PLCH1: variants seen among roughly 807,000 people sequenced by gnomAD.
PLCH1 encodes the protein 1-phosphatidylinositol 4,5-bisphosphate phosphodiesterase eta-1.
PLCH1 carries 60 observed loss-of-function variants against 126.7 expected under a neutral mutation model. The ratio of observed to expected loss-of-function variants is 0.47; its 90% CI spans 0.38 to 0.59. The LOEUF (loss-of-function observed/expected upper bound fraction) is 0.59. Ranked by LOEUF, PLCH1 falls within the 20% of genes least tolerant of loss-of-function variation. The pLI is 0.00. For missense variants in PLCH1, 1,723 were observed against 2,040.0 expected (o/e 0.84, Z 2.99); for synonymous variants, 719 against 734.9 (o/e 0.98, Z 0.35).
chr3:155,600,691 T>A (rs1268993076), intron 2 of PLCH1, among the ~76,000 whole-genome samples: 1 of 152,344 alleles, frequency 6.6e-6, no homozygotes, highest in African/African-American at 2.4e-5. Flanking sequence ...GTATCTGTTA[T>A]GCTCTAGACC....
At chr3:155,682,969 C>G (rs1476114766) in intron 2 of PLCH1, among the ~76,000 whole-genome samples, 1 of 152,192 alleles carries the variant, frequency 6.6e-6, no homozygotes, top group Non-Finnish European at 1.5e-5. Context: ...TTATTCATCA[C>G]TGGAGAGATA....
At chr3:155,513,995 A>C (rs1719963888) in intron 12 of PLCH1, among the ~76,000 whole-genome samples, 2 of 152,166 alleles carry the variant, frequency 1.3e-5, no homozygotes, top group Non-Finnish European at 2.9e-5. Context: ...TCATGGGGCT[A>C]TTGGCAGTTA....
chr3:155,625,695 G>C (rs967367392), intron 2 of PLCH1, among the ~76,000 whole-genome samples: 1 of 152,214 alleles, frequency 6.6e-6, no homozygotes, highest in African/African-American at 2.4e-5. Context: ...ATGCCAGTTA[G>C]AATGGCGATC....
At chr3:155,625,569 T>C (rs1302849794) in intron 2 of PLCH1, among the ~76,000 whole-genome samples, 3 of 151,978 alleles carry the variant, frequency 2.0e-5, no homozygotes, top group African/African-American at 7.3e-5. Context: ...GGGCAAAGGA[T>C]ATTAACAGAC....
At position 155,565,001 on chromosome 3, in the gene PLCH1, G is replaced by A; in HGVS notation, c.983C>T (p.Thr328Ile). The A allele has an allele frequency of 6.2e-7, 1 of 1,613,514 alleles. No individual in the cohort carries two copies. The highest frequency in any genetic ancestry group is 8.5e-7 in the Non-Finnish European group (1 of 1,179,444). The change falls in exon 8 of 23, where the codon ACA becomes ATA. Residue 328 changes from threonine (T) to isoleucine (I), a missense_variant. This residue lies in a region of PLCH1 where 776 missense variants were observed against 1,062.9 expected (regional missense o/e 0.73). Coordinates refer to ENST00000460012, the MANE Select transcript of PLCH1 (RefSeq NM_014996.4). ...AAGGAGCTGGTCTCCAGTCAGGTAT[G>A]TATTGTGAGAGGAAGCAATGTAGTA... ...CNYYIASSHN[T>I]YLTGDQLLSQ... is the part of the protein sequence containing the mutation.
At chr3:155,681,290 A>G (rs1357975649) in intron 2 of PLCH1, among the ~76,000 whole-genome samples, 2 of 152,234 alleles carry the variant, frequency 1.3e-5, no homozygotes, top group South Asian at 4.1e-4. Flanking sequence ...TTTGAGGCTT[A>G]CTAACATTTA....
intron 2 of PLCH1, among the ~76,000 whole-genome samples, chr3:155,643,551 G>A (rs967097282): frequency 3.3e-5 from 5 of 152,182 alleles, no homozygotes; most frequent in African/African-American, 9.7e-5. Context: ...AAAATTGTCT[G>A]TGTGTCTGCT....
intron 2 of PLCH1, among the ~76,000 whole-genome samples, chr3:155,611,354 C>T (rs934332796): frequency 6.6e-6 from 1 of 151,978 alleles, no homozygotes; most frequent in South Asian, 2.1e-4. Flanking sequence ...CAGGCCACTG[C>T]GCTCCAGCCT....
chr3:155,612,568 C>A (rs1212155763), intron 2 of PLCH1, among the ~76,000 whole-genome samples: 1 of 151,828 alleles, frequency 6.6e-6, no homozygotes, highest in African/African-American at 2.4e-5. Context: ...AAAGCTGGTT[C>A]TTTGAAATGA....
chr3:155,593,810 G>T, intron 4 of PLCH1, 131 bp downstream of exon 4: 1 of 813,302 alleles, frequency 1.2e-6, no homozygotes, highest in Non-Finnish European at 1.9e-6. Flanking sequence ...AGAAGACGGT[G>T]TGAGGGGTAA....
intron 2 of PLCH1, among the ~76,000 whole-genome samples, chr3:155,618,006 T>C (rs1027070692): frequency 3.3e-5 from 5 of 152,196 alleles, no homozygotes; most frequent in Non-Finnish European, 4.4e-5. Flanking sequence ...AGACTCCTTA[T>C]GGAAAAAGTT....
At chr3:155,617,691 CT>C (rs1246021190) in intron 2 of PLCH1, among the ~76,000 whole-genome samples, 4 of 152,138 alleles carry the variant, frequency 2.6e-5, no homozygotes, top group African/African-American at 9.7e-5. Context: ...ACGCTGGTTA[CT>C]TTACCAAGGC....
intron 2 of PLCH1, among the ~76,000 whole-genome samples, chr3:155,638,940 C>A (rs570119089): frequency 6.6e-6 from 1 of 152,104 alleles, no homozygotes; most frequent in South Asian, 2.1e-4. Flanking sequence ...TAACCCTGGA[C>A]AAGCAAGCAA....
chr3:155,551,081 C>G (rs937562890), intron 9 of PLCH1, among the ~76,000 whole-genome samples: 9 of 152,100 alleles, frequency 5.9e-5, no homozygotes, highest in African/African-American at 1.9e-4. Context: ...AACTGACAAC[C>G]CTGAGTTGTC....
At chr3:155,466,703 T>C (rs1712943041) in intron 21 of PLCH1, among the ~76,000 whole-genome samples, 1 of 152,102 alleles carries the variant, frequency 6.6e-6, no homozygotes, top group Admixed American at 6.5e-5. Flanking sequence ...AGACAGAGAA[T>C]TCAAAATAGC....
chr3:155,620,527 CACAATGGTGGCAGGG>C (rs1736335150), intron 2 of PLCH1, among the ~76,000 whole-genome samples: 1 of 152,130 alleles, frequency 6.6e-6, no homozygotes, highest in African/African-American at 2.4e-5. Context: ...AATTGTATCA[CACAATGGTGGCAGGG>C]ACATGAAGAC....
At chr3:155,733,934 C>CATATATATATAT (rs35149793) in intron 1 of PLCH1, among the ~76,000 whole-genome samples, 17 of 98,158 alleles carry the variant, frequency 1.7e-4, no homozygotes, top group Non-Finnish European at 3.5e-4. Context: ...AACAGGTATA[C>CATATATATATAT]ATATATATAT....
chr3:155,684,077 T>C (rs530539071), intron 2 of PLCH1, among the ~76,000 whole-genome samples: 1 of 152,334 alleles, frequency 6.6e-6, no homozygotes, highest in East Asian at 1.9e-4. Context: ...AGGTAAATGA[T>C]ATTATCTGCC....
At chr3:155,744,645 C>T (rs1372491133) in intron 1 of PLCH1, among the ~76,000 whole-genome samples, 195 bp downstream of exon 1, 1 of 152,146 alleles carries the variant, frequency 6.6e-6, no homozygotes, top group African/African-American at 2.4e-5. Context: ...GCGGCCGTGG[C>T]CAGTTCCCCG....
Sources: gnomAD v4.1 joint callset for allele counts (sites outside exome capture counted in the v4.1 genomes callset) on GRCh38, gnomAD v4.1.1 for gene constraint, gnomAD v4.1.1 regional missense constraint, MANE v1.5 for transcripts, NCBI Gene and HGNC (gene_info 2026-07-23, HGNC 2026-07-21) for gene names.